Variants in LRFN5 observed in about 807,000 individuals in gnomAD.
LRFN5 encodes leucine rich repeat and fibronectin type III domain containing 5, also known as leucine-rich repeat and fibronectin type-III domain-containing protein 5.
LRFN5 carries 24 observed loss-of-function variants against 45.6 expected under a neutral mutation model. The ratio of observed to expected loss-of-function variants is 0.53; its 90% CI spans 0.38 to 0.74. LRFN5 has a LOEUF of 0.74. LRFN5 is among the 30% of genes least tolerant of loss of function. The probability of loss-of-function intolerance (pLI) is 0.00; values close to 1 mark genes in which losing one functional copy is unlikely to be tolerated. For synonymous variants in LRFN5, 340 were observed against 313.8 expected (o/e 1.08, Z -0.88); for missense variants, 776 against 861.5 (o/e 0.90, Z 1.24).
intron 1 of LRFN5, among the ~76,000 whole-genome samples, chr14:41,708,352 A>G (rs1035337511): frequency 2.6e-5 from 4 of 151,978 alleles, no homozygotes; most frequent in East Asian, 1.9e-4. Context: ...AACTTAAAAT[A>G]TTTATCTCTA....
chr14:41,819,791 A>C (rs1267825257), intron 2 of LRFN5, among the ~76,000 whole-genome samples: 1 of 152,156 alleles, frequency 6.6e-6, no homozygotes, highest in Admixed American at 6.5e-5. Context: ...TGATCCAATC[A>C]CCTTCCACCA....
chr14:41,749,120 G>A (rs939891744), intron 1 of LRFN5, among the ~76,000 whole-genome samples: 2 of 152,028 alleles, frequency 1.3e-5, no homozygotes, highest in African/African-American at 2.4e-5. Flanking sequence ...AACCATTTAC[G>A]AGGACAGAGC....
At chr14:41,781,578 A>AAGAAAGAAAGAAAGAAAGAAAGAAAG (rs1566436943) in intron 2 of LRFN5, among the ~76,000 whole-genome samples, 2 of 114,442 alleles carry the variant, frequency 1.7e-5, no homozygotes, top group East Asian at 5.3e-4. Flanking sequence ...GAAAGAAAGA[A>AAGAAAGAAAGAAAGAAAGAAAGAAAG]AGAAAGAAAG....
intron 2 of LRFN5, among the ~76,000 whole-genome samples, chr14:41,849,355 T>G (rs988730863): frequency 2.6e-5 from 4 of 151,986 alleles, no homozygotes; most frequent in African/African-American, 9.7e-5. Context: ...ATGGTGAAAT[T>G]TTGAATCCAA....
At chr14:41,896,704 A>C (rs1890951163) in intron 4 of LRFN5, among the ~76,000 whole-genome samples, 1 of 152,174 alleles carries the variant, frequency 6.6e-6, no homozygotes. Context: ...TATTAATAAA[A>C]TTAGTTTGTT....
rs368373004 is a variant in LRFN5 at position 41,749,592 on chromosome 14, C to T, written c.-196-17262C>T. Among the ~76,000 whole-genome samples, 7 of 152,140 alleles carry T rather than the reference C, an allele frequency of 4.6e-5. No individual in the cohort carries two copies. The South Asian group carries it at 1.5e-3, about 32-fold the overall frequency. ...CAGAAAACCAAATACTGCACGCTCT[C>T]ACTTATAAGTGAAAGTGAAACCATA... On this transcript the variant is annotated intron_variant, in intron 1 of 5. Transcript: ENST00000298119.
chr14:41,635,398 ACC>A (rs1445219163), intron 1 of LRFN5, among the ~76,000 whole-genome samples: 1 of 152,130 alleles, frequency 6.6e-6, no homozygotes, highest in East Asian at 1.9e-4. Context: ...AAACCAAAGA[ACC>A]CAAATACTCA....
At chr14:41,617,379 G>A (rs1887963259) in intron 1 of LRFN5, among the ~76,000 whole-genome samples, 1 of 152,008 alleles carries the variant, frequency 6.6e-6, no homozygotes, top group Non-Finnish European at 1.5e-5. Flanking sequence ...AAGATGATAG[G>A]GCTAAAATTA....
chr14:41,767,385 T>C (rs533681359), intron 2 of LRFN5, among the ~76,000 whole-genome samples: 1 of 152,192 alleles, frequency 6.6e-6, no homozygotes, highest in African/African-American at 2.4e-5. Flanking sequence ...CCAAATATTT[T>C]ATCAAATTTG....
intron 1 of LRFN5, among the ~76,000 whole-genome samples, chr14:41,632,945 T>C (rs1180524514): frequency 1.3e-5 from 2 of 152,170 alleles, no homozygotes; most frequent in Non-Finnish European, 2.9e-5. Context: ...ACCCCATTTA[T>C]ATGATTTTTC....
intron 1 of LRFN5, among the ~76,000 whole-genome samples, chr14:41,766,358 A>G (rs1885883488): frequency 6.6e-6 from 1 of 152,194 alleles, no homozygotes; most frequent in Non-Finnish European, 1.5e-5. Context: ...TTTCATAGAC[A>G]TATAGGTTGC....
intron 1 of LRFN5, among the ~76,000 whole-genome samples, chr14:41,724,522 G>C (rs1440676936): frequency 1.3e-5 from 2 of 151,954 alleles, no homozygotes; most frequent in Non-Finnish European, 2.9e-5. Context: ...TTGCATTTGA[G>C]ATCTAAAAAC....
chr14:41,670,681 C>T (rs927385024), intron 1 of LRFN5, among the ~76,000 whole-genome samples: 5 of 151,660 alleles, frequency 3.3e-5, no homozygotes, highest in African/African-American at 9.7e-5. Flanking sequence ...ATCGTAATTC[C>T]TCACTGAAAT....
At chr14:41,818,492 T>C (rs1887997118) in intron 2 of LRFN5, among the ~76,000 whole-genome samples, 1 of 151,752 alleles carries the variant, frequency 6.6e-6, no homozygotes, top group Admixed American at 6.6e-5. Context: ...ACATATGATA[T>C]ACACACACAC....
chr14:41,822,764 G>T (rs896522431), intron 2 of LRFN5, among the ~76,000 whole-genome samples: 1 of 148,196 alleles, frequency 6.7e-6, no homozygotes, highest in Non-Finnish European at 1.5e-5. Flanking sequence ...CACTATTATT[G>T]TGTTGCTCTC....
At chr14:41,894,569 G>A (rs917095814) in intron 4 of LRFN5, 28 of 970,782 alleles carry the variant, frequency 2.9e-5, no homozygotes, top group East Asian at 2.3e-4. Context: ...TATCAAGAAG[G>A]TCAAAATTTT....
At chr14:41,896,178 A>T (rs1890933236) in intron 4 of LRFN5, among the ~76,000 whole-genome samples, 2 of 152,180 alleles carry the variant, frequency 1.3e-5, no homozygotes, top group African/African-American at 4.8e-5. Context: ...AAATTCCAAT[A>T]GTTTAAAAAT....
chr14:41,744,691 T>C (rs1198461272), intron 1 of LRFN5, among the ~76,000 whole-genome samples: 1 of 152,038 alleles, frequency 6.6e-6, no homozygotes, highest in Non-Finnish European at 1.5e-5. Flanking sequence ...AAAATGAAAA[T>C]ATGTAAAAAT....
chr14:41,617,839 C>T (rs1428323619), intron 1 of LRFN5, among the ~76,000 whole-genome samples: 2 of 152,076 alleles, frequency 1.3e-5, no homozygotes, highest in Non-Finnish European at 2.9e-5. Context: ...TAACATGTTT[C>T]CTAGTGCAAA....
Sources: gnomAD v4.1 joint callset for allele counts (sites outside exome capture counted in the v4.1 genomes callset) on GRCh38, gnomAD v4.1.1 for gene constraint, MANE v1.5 for transcripts, NCBI Gene and HGNC (gene_info 2026-07-23, HGNC 2026-07-21) for gene names.